SGCD: variants seen among roughly 807,000 people sequenced by gnomAD.
SGCD encodes sarcoglycan delta, also known as delta-sarcoglycan.
A neutral mutation model predicts 36.6 loss-of-function variants in SGCD; 18 were observed. The ratio of observed to expected loss-of-function variants is 0.49; its 90% CI spans 0.34 to 0.73. The LOEUF is 0.73. Among genes scored for constraint, SGCD ranks in the 30% least tolerant of loss-of-function variants. The pLI, the probability that SGCD is intolerant of heterozygous loss-of-function variation, is 0.01. For synonymous variants in SGCD, 133 were observed against 130.6 expected (o/e 1.02, Z -0.12); for missense variants, 387 against 346.7 (o/e 1.12, Z -0.92).
At chr5:156,001,641 T>A (rs951479408) in intron 1 of SGCD, among the ~76,000 whole-genome samples, 1 of 152,242 alleles carries the variant, frequency 6.6e-6, no homozygotes, top group African/African-American at 2.4e-5. Flanking sequence ...CTAATTTGCT[T>A]GAGCTGAGTA....
At chr5:155,771,180 G>A in the SGCD span, among the ~76,000 whole-genome samples, 2 of 152,036 alleles carry the variant, frequency 1.3e-5, no homozygotes, top group Non-Finnish European at 1.5e-5. Flanking sequence ...GTTAATACTC[G>A]GATTTCCTGG....
At chr5:155,837,818 G>T in the SGCD span, among the ~76,000 whole-genome samples, 2 of 152,288 alleles carry the variant, frequency 1.3e-5, no homozygotes, top group African/African-American at 4.8e-5. Flanking sequence ...GAAAAGCAAG[G>T]TCTATCCTGT....
intron 1 of SGCD, among the ~76,000 whole-genome samples, chr5:155,915,619 G>A (rs951986409): frequency 1.3e-5 from 2 of 152,044 alleles, no homozygotes; most frequent in African/African-American, 2.4e-5. Flanking sequence ...ATTGATTTAT[G>A]TTTGAAAACA....
intron 3 of SGCD, among the ~76,000 whole-genome samples, chr5:156,399,131 A>T (rs900740398): frequency 6.6e-6 from 1 of 152,220 alleles, no homozygotes; most frequent in Admixed American, 6.5e-5. Flanking sequence ...TAAGTACAAG[A>T]TTGACAGAGG....
intron 1 of SGCD, among the ~76,000 whole-genome samples, chr5:155,990,929 T>G (rs1758418601): frequency 6.6e-6 from 1 of 152,208 alleles, no homozygotes; most frequent in South Asian, 2.1e-4. Context: ...GTTACACTTT[T>G]TTCTCTGAGT....
chr5:156,187,583 C>G (rs910819894), intron 3 of SGCD, among the ~76,000 whole-genome samples: 7 of 142,460 alleles, frequency 4.9e-5, no homozygotes, highest in African/African-American at 1.8e-4. Flanking sequence ...TATGTAAACA[C>G]GAATACTGAT....
chr5:156,321,977 T>G (rs1019536874), upstream of SGCD, among the ~76,000 whole-genome samples: 1 of 152,218 alleles, frequency 6.6e-6, no homozygotes, highest in Admixed American at 6.5e-5. Context: ...GATGAACGCC[T>G]CTTTTCAGGC....
intron 3 of SGCD, among the ~76,000 whole-genome samples, chr5:156,193,838 C>T (rs1763955443): frequency 6.6e-6 from 1 of 152,130 alleles, no homozygotes; most frequent in Non-Finnish European, 1.5e-5. Flanking sequence ...CAAACAGGTT[C>T]CATGGAAATG....
At chr5:156,607,714 C>CA (rs146436347) in intron 6 of SGCD, among the ~76,000 whole-genome samples, 146,866 of 152,290 alleles carry the variant, frequency 0.96, 71,047 homozygotes, top group East Asian at 1. Flanking sequence ...ATTTTTCCCT[C>CA]ATTTCAGAGC....
intron 3 of SGCD, among the ~76,000 whole-genome samples, chr5:156,272,405 C>A (rs1766204825): frequency 6.6e-6 from 1 of 152,176 alleles, no homozygotes; most frequent in Non-Finnish European, 1.5e-5. Flanking sequence ...ACCACATTTT[C>A]TTTATCCACC....
chr5:155,934,781 C>T (rs1047387962), intron 1 of SGCD, among the ~76,000 whole-genome samples: 2 of 152,126 alleles, frequency 1.3e-5, no homozygotes, highest in Non-Finnish European at 2.9e-5. Flanking sequence ...TTCCTTTCCC[C>T]AAATTTTTAG....
intron 1 of SGCD, among the ~76,000 whole-genome samples, chr5:155,992,565 C>T (rs1758455024): frequency 1.3e-5 from 2 of 152,072 alleles, no homozygotes; most frequent in Non-Finnish European, 2.9e-5. Context: ...TCAGGAATTC[C>T]CCCTACCATG....
At chr5:156,095,626 C>T (rs980615252) in intron 1 of SGCD, among the ~76,000 whole-genome samples, 12 of 152,046 alleles carry the variant, frequency 7.9e-5, no homozygotes, top group African/African-American at 2.9e-4. Flanking sequence ...GGAAACTGTT[C>T]CCCTCCAGGG....
At chr5:155,822,742 C>A in the SGCD span, among the ~76,000 whole-genome samples, 2 of 152,172 alleles carry the variant, frequency 1.3e-5, no homozygotes, top group Non-Finnish European at 2.9e-5. Flanking sequence ...GGAAAAGCAT[C>A]GAGCCCAGGG....
intron 3 of SGCD, among the ~76,000 whole-genome samples, chr5:156,420,485 A>G (rs1561683563): frequency 6.6e-6 from 1 of 152,164 alleles, no homozygotes; most frequent in Non-Finnish European, 1.5e-5. Context: ...ATAATTTATT[A>G]CTTATTTTGT....
At chr5:156,120,860 C>G (rs1762020386) in intron 2 of SGCD, among the ~76,000 whole-genome samples, 2 of 152,132 alleles carry the variant, frequency 1.3e-5, no homozygotes, top group South Asian at 2.1e-4. Flanking sequence ...TGAATTACAG[C>G]ATTGTTTGCT....
chr5:156,444,121 TCC>T lies in SGCD; in HGVS notation c.193-64478_193-64477del, dbSNP rs534359929. Among the ~76,000 whole-genome samples, 327 of 58,182 alleles carry T rather than the reference TCC, an allele frequency of 5.6e-3. 4 individuals are homozygous for T. Among genetic ancestry groups the T allele is most frequent in the African/African-American group, 0.029 (303 of 10,484 alleles). The allele number at this position is 58,182 out of a possible 152,430, so 38.2% of individuals were successfully genotyped here. A position where few individuals can be genotyped will look rare whatever the true frequency, so the allele number is the denominator to read the frequency against. On this transcript the variant is annotated intron_variant, in intron 3 of 8. Transcript: ENST00000337851. ...CTCTCTCTCTCTCTCTCTCTCCCCT[TCC>T]CTCTCTCTCTCTCTCCTTCCCTTTC...
chr5:156,401,508 A>G (rs1376793867), intron 3 of SGCD, among the ~76,000 whole-genome samples: 1 of 152,196 alleles, frequency 6.6e-6, no homozygotes, highest in African/African-American at 2.4e-5. Context: ...GAGAGCTGCC[A>G]TGCAGTTAAG....
intron 3 of SGCD, among the ~76,000 whole-genome samples, chr5:156,498,499 A>C (rs1756300847): frequency 1.3e-5 from 2 of 152,186 alleles, no homozygotes; most frequent in East Asian, 3.8e-4. Flanking sequence ...TTTCTGGACA[A>C]TACATGAATG....
Sources: gnomAD v4.1 joint callset for allele counts (sites outside exome capture counted in the v4.1 genomes callset) on GRCh38, gnomAD v4.1.1 for gene constraint, MANE v1.5 for transcripts, NCBI Gene and HGNC (gene_info 2026-07-23, HGNC 2026-07-21) for gene names.